NLRP14: variants seen among roughly 807,000 people sequenced by gnomAD.
NLRP14 encodes the protein NLR family pyrin domain containing 14.
In NLRP14, 105 loss-of-function variants were observed where a neutral mutation model predicts 94.7. That is an observed-to-expected ratio of 1.11 (90% CI 0.95 to 1.30). NLRP14 has a LOEUF of 1.30. Among genes scored for constraint, NLRP14 ranks in the 50% most tolerant of loss-of-function variants. The probability of loss-of-function intolerance (pLI) is 0.00; values close to 1 mark genes in which losing one functional copy is unlikely to be tolerated. For synonymous variants in NLRP14, 508 were observed against 459.9 expected, an observed-to-expected ratio of 1.10 and a Z score of -1.34; for missense variants, 1,362 against 1,254.1, an observed-to-expected ratio of 1.09 and a Z score of -1.30.
chr11:7,063,419 T>G (rs545144770), intron 10 of NLRP14, among the ~76,000 whole-genome samples: 2 of 152,102 alleles, frequency 1.3e-5, no homozygotes, highest in Admixed American at 6.5e-5. Context: ...CATGCAACAT[T>G]GAGACTGAGA....
intron 9 of NLRP14, 53 bp downstream of exon 9, chr11:7,060,117 G>A (rs1852594186): frequency 6.8e-7 from 1 of 1,461,438 alleles, no homozygotes; most frequent in Non-Finnish European, 9.6e-7. Flanking sequence ...GAGTGTCTGG[G>A]GAGATACTGA....
chr11:7,064,479 C>T (rs927761826), intron 10 of NLRP14, among the ~76,000 whole-genome samples: 23 of 152,076 alleles, frequency 1.5e-4, no homozygotes, highest in African/African-American at 5.3e-4. Flanking sequence ...TCTCCTCACT[C>T]TCCACACCTC....
the NLRP14 span, among the ~76,000 whole-genome samples, chr11:7,086,633 A>C: frequency 6.6e-6 from 1 of 152,322 alleles, no homozygotes; most frequent in South Asian, 2.1e-4. Context: ...AAAGAGACAC[A>C]ATCATTTCAC....
At position 7,042,821 on chromosome 11, in the gene NLRP14, C is replaced by G. The variant is rs369912297; in HGVS notation, c.795C>G (p.Asn265Lys). ...TTATTGACAGTTTCGATGAACTGAA[C>G]TTTGCCTTTGAAGAACCTGAGTTTG... is the stretch of plus-strand genomic sequence containing the variant. ...LFIIDSFDEL[N>K]FAFEEPEFAL... Residue 265 changes from asparagine to lysine, a missense_variant, in exon 4 of 12, where the codon AAC becomes AAG. Physicochemically the swap from Asn to Lys is moderately conservative, Grantham distance 94. Transcript: ENST00000299481. The G allele has an allele frequency of 9.9e-6, 16 of 1,614,068 alleles. No individual in the cohort carries two copies. The African/African-American group carries it at 1.6e-4, about 16-fold the overall frequency.
intron 11 of NLRP14, 90 bp from the exon 12 acceptor site, chr11:7,071,083 T>G: frequency 6.8e-7 from 1 of 1,477,692 alleles, no homozygotes; most frequent in South Asian, 1.2e-5. Context: ...AGAACAGTTT[T>G]TTTTCTCCTG....
chr11:7,090,232 G>A, the NLRP14 span: 5 of 1,610,952 alleles, frequency 3.1e-6, no homozygotes, highest in Non-Finnish European at 4.2e-6. Flanking sequence ...TCAGGCTGCA[G>A]GGTGCCCAGG....
intron 5 of NLRP14, 72 bp downstream of exon 5, chr11:7,046,904 C>T (rs556037174): frequency 5.3e-6 from 6 of 1,125,138 alleles, no homozygotes; most frequent in Admixed American, 1.7e-5. Flanking sequence ...CACTCATACT[C>T]GTTAGGGGAA....
intron 1 of NLRP14, among the ~76,000 whole-genome samples, chr11:7,037,750 T>G (rs1217671894): frequency 6.6e-6 from 1 of 152,092 alleles, no homozygotes; most frequent in African/African-American, 2.4e-5. Context: ...AAGATATTAG[T>G]AAAAAATGGG....
chr11:7,087,381 G>A, the NLRP14 span, among the ~76,000 whole-genome samples: 4 of 152,296 alleles, frequency 2.6e-5, no homozygotes, highest in East Asian at 1.9e-4. Context: ...AAGAGTAGCT[G>A]CCTGGTCTTC....
intron 2 of NLRP14, among the ~76,000 whole-genome samples, chr11:7,039,391 T>C (rs528792908): frequency 6.6e-6 from 1 of 152,034 alleles, no homozygotes; most frequent in Admixed American, 6.6e-5. Context: ...AATATTCATA[T>C]CTATTATCTC....
downstream of NLRP14, among the ~76,000 whole-genome samples, chr11:7,074,094 C>T (rs1411276006): frequency 6.6e-5 from 10 of 152,198 alleles, no homozygotes; most frequent in East Asian, 1.9e-3. Context: ...ACACTTACTG[C>T]TTCAAATATT....
chr11:7,036,780 T>C (rs762590663), intron 1 of NLRP14, among the ~76,000 whole-genome samples: 1 of 152,172 alleles, frequency 6.6e-6, no homozygotes, highest in African/African-American at 2.4e-5. Context: ...GTATAGAAGA[T>C]TGAAGAAGTT....
intron 5 of NLRP14, among the ~76,000 whole-genome samples, chr11:7,047,217 T>G (rs1307829102): frequency 6.6e-6 from 1 of 152,244 alleles, no homozygotes; most frequent in African/African-American, 2.4e-5. Context: ...ATGTTCAGTT[T>G]GTTGTGTTCT....
At chr11:7,044,628 T>C (rs1364134601) in intron 4 of NLRP14, among the ~76,000 whole-genome samples, 1 of 152,214 alleles carries the variant, frequency 6.6e-6, no homozygotes, top group Non-Finnish European at 1.5e-5. Context: ...TACATTATTC[T>C]ACTCTACCTC....
At chr11:7,081,854 A>G in the NLRP14 span, among the ~76,000 whole-genome samples, 4 of 152,192 alleles carry the variant, frequency 2.6e-5, no homozygotes, top group Non-Finnish European at 2.9e-5. Context: ...GCCATCAGTG[A>G]TTAAACACAA....
chr11:7,055,495 C>T (rs986161998), intron 6 of NLRP14, among the ~76,000 whole-genome samples: 9 of 152,100 alleles, frequency 5.9e-5, no homozygotes, highest in African/African-American at 1.7e-4. Context: ...AATACATTCA[C>T]GCAGCATCTT....
chr11:7,063,500 A>G (rs1852658428), intron 10 of NLRP14, among the ~76,000 whole-genome samples: 1 of 152,008 alleles, frequency 6.6e-6, no homozygotes, highest in South Asian at 2.1e-4. Context: ...TACAAACACA[A>G]TCCTGGAAAA....
Position 7,058,952 on chromosome 11 carries a change from C to T in NLRP14, c.2633+502C>T, listed in dbSNP as rs574329163. 1.4e-4 allele frequency among the ~76,000 whole-genome samples: 22 copies of T among 151,954 alleles called. No homozygotes were observed. In the South Asian group the frequency reaches 3.1e-3, roughly 22 times the overall value. The stretch of plus-strand genomic sequence containing the variant: ...ATTTGGCCAAATATGGTTAAATTGC[C>T]TTCCAGATAGATTATTTATATTCCC... On this transcript the variant is annotated intron_variant, in intron 8 of 11. Transcript: ENST00000299481.
chr11:7,074,334 G>A (rs1357334623), downstream of NLRP14, among the ~76,000 whole-genome samples: 1 of 152,230 alleles, frequency 6.6e-6, no homozygotes, highest in Non-Finnish European at 1.5e-5. Context: ...CTTTACTGAG[G>A]TTGATTCCCA....
Sources: gnomAD v4.1 joint callset for allele counts (sites outside exome capture counted in the v4.1 genomes callset) on GRCh38, gnomAD v4.1.1 for gene constraint, MANE v1.5 for transcripts, NCBI Gene and HGNC (gene_info 2026-07-23, HGNC 2026-07-21) for gene names.